The following KLHL13 variants were observed in gnomAD, a reference collection of about 807,000 sequenced individuals.
KLHL13 encodes the protein kelch like family member 13, also known as kelch-like protein 13.
A neutral mutation model predicts 37.1 loss-of-function variants in KLHL13; 10 were observed. The observed-to-expected ratio is 0.27, with a 90% CI of 0.17 to 0.46. The LOEUF is 0.46. KLHL13 is among the 20% of genes least tolerant of loss of function. The pLI, the probability that KLHL13 is intolerant of heterozygous loss-of-function variation, is 1.00. For synonymous variants in KLHL13, 163 were observed against 181.2 expected (o/e 0.90, Z 0.81); for missense variants, 360 against 509.3 (o/e 0.71, Z 2.82).
chrX:118,092,585 G>A (rs1389051151), intron 1 of KLHL13, among the ~76,000 whole-genome samples: 1 of 111,794 alleles, frequency 8.9e-6, no homozygotes, highest in African/African-American at 3.2e-5. Context: ...TGATAAAAGA[G>A]GGTATCTTGG....
At chrX:118,032,463 A>T (rs889605644) in intron 1 of KLHL13, among the ~76,000 whole-genome samples, 1 of 111,220 alleles carries the variant, frequency 9.0e-6, no homozygotes, top group Non-Finnish European at 1.9e-5. Context: ...ACTGGGAGGC[A>T]CCCCCCAGCA....
At chrX:117,996,470 A>G (rs1444617768) in intron 1 of KLHL13, among the ~76,000 whole-genome samples, 2 of 111,831 alleles carry the variant, frequency 1.8e-5, no homozygotes, top group Non-Finnish European at 3.8e-5. Flanking sequence ...AGAGCATAGA[A>G]CCGATTCCAA....
intron 1 of KLHL13, among the ~76,000 whole-genome samples, chrX:118,103,602 A>C: frequency 8.9e-6 from 1 of 111,968 alleles, no homozygotes; most frequent in Non-Finnish European, 1.9e-5. Context: ...AAAGACACCT[A>C]TGTTCTTTAA....
chrX:118,088,226 G>C (rs1385131218), intron 1 of KLHL13, among the ~76,000 whole-genome samples: 2 of 111,991 alleles, frequency 1.8e-5, no homozygotes, highest in African/African-American at 6.5e-5. Flanking sequence ...TACATTTACT[G>C]TTTCAAAGAA....
At chrX:117,945,312 T>C in intron 2 of KLHL13, 122 bp downstream of exon 3, 1 of 657,316 alleles carries the variant, frequency 1.5e-6, no homozygotes, top group East Asian at 3.4e-5. Context: ...ATAGTTACCA[T>C]ACATTTCCTA....
intron 1 of KLHL13, among the ~76,000 whole-genome samples, chrX:117,951,756 A>T (rs1933616390): frequency 8.9e-6 from 1 of 112,451 alleles, no homozygotes; most frequent in African/African-American, 3.2e-5. Context: ...GAATAAGATC[A>T]TTTACCCAGC....
At chrX:118,002,315 G>A (rs2053930927) in intron 1 of KLHL13, among the ~76,000 whole-genome samples, 2 of 110,671 alleles carry the variant, frequency 1.8e-5, no homozygotes, top group Non-Finnish European at 3.8e-5. Context: ...ATGGGATGGA[G>A]GCCAGGCGCG....
chrX:118,107,567 C>T (rs994805765), intron 1 of KLHL13, among the ~76,000 whole-genome samples: 7 of 111,878 alleles, frequency 6.3e-5, no homozygotes, highest in African/African-American at 2.3e-4. Flanking sequence ...TCATATGTGG[C>T]TTAAGTGTGC....
intron 1 of KLHL13, among the ~76,000 whole-genome samples, chrX:118,082,295 C>T (rs2055004865): frequency 1.8e-5 from 2 of 110,703 alleles, no homozygotes; most frequent in Middle Eastern, 4.7e-3. Flanking sequence ...TTGATAATAG[C>T]AATTCTAACA....
chrX:118,026,328 GA>G (rs1424610535), intron 1 of KLHL13, among the ~76,000 whole-genome samples: 2 of 111,351 alleles, frequency 1.8e-5, no homozygotes, highest in African/African-American at 6.5e-5. Flanking sequence ...TGTGTATTTT[GA>G]AAAAAACTAT....
Position 118,049,839 on chromosome X carries a change from T to A in KLHL13, c.-56+66669A>T, listed in dbSNP as rs541627360. Among the ~76,000 whole-genome samples, 218 of 111,746 alleles carry A rather than the reference T, an allele frequency of 2.0e-3. 1 individual carries two copies. The highest frequency in any genetic ancestry group is 6.2e-3 in the Admixed American group (65 of 10,496). On this transcript the variant is annotated intron_variant, in intron 1 of 6. Transcript: ENST00000371882. ...TCCTACCAAAAAGACTGGATTCCCATGTTTCTTAGGTTTCTCCCTTTTCCT... is the reference window on the plus strand; with the variant it reads ...TCCTACCAAAAAGACTGGATTCCCAAGTTTCTTAGGTTTCTCCCTTTTCCT...
chrX:117,968,794 GA>G (rs746664768), intron 1 of KLHL13, among the ~76,000 whole-genome samples: 1 of 110,314 alleles, frequency 9.1e-6, no homozygotes, highest in Admixed American at 9.7e-5. Context: ...TACTAAATTA[GA>G]AAAAAAAGAC....
chrX:118,103,800 A>ATAG (rs1475500642), intron 1 of KLHL13, among the ~76,000 whole-genome samples: 1 of 111,162 alleles, frequency 9.0e-6, no homozygotes, highest in Non-Finnish European at 1.9e-5. Context: ...GTCCTTGACT[A>ATAG]TAAACACTAA....
At chrX:117,974,426 C>T (rs1252240182), upstream of KLHL13, among the ~76,000 whole-genome samples, 1 of 112,147 alleles carries the variant, frequency 8.9e-6, no homozygotes, top group Admixed American at 9.4e-5. Flanking sequence ...ATGCTTCCAA[C>T]TTAAATAGTT....
intron 1 of KLHL13, among the ~76,000 whole-genome samples, chrX:118,009,900 A>T (rs1168326277): frequency 8.8e-4 from 92 of 104,695 alleles, no homozygotes; most frequent in African/African-American, 2.8e-3. Flanking sequence ...ATGTTCTTCC[A>T]TTTGTTTGTA....
At chrX:117,937,296 G>T (rs1215673562) in intron 2 of KLHL13, among the ~76,000 whole-genome samples, 1 of 111,499 alleles carries the variant, frequency 9.0e-6, no homozygotes, top group Non-Finnish European at 1.9e-5. Flanking sequence ...AGCATAGAAG[G>T]GTTTTAATAG....
chrX:118,054,777 C>T (rs1452789467), intron 1 of KLHL13, among the ~76,000 whole-genome samples: 1 of 111,198 alleles, frequency 9.0e-6, no homozygotes, highest in African/African-American at 3.3e-5. Context: ...TTATCATATT[C>T]CTCAATATTA....
intron 1 of KLHL13, among the ~76,000 whole-genome samples, chrX:117,953,609 G>A (rs1048450409): frequency 3.6e-5 from 4 of 110,817 alleles, no homozygotes; most frequent in Admixed American, 2.9e-4. Flanking sequence ...ACTGAAGCTC[G>A]GAGAGTTTAA....
chrX:117,941,818 C>T (rs747384960), intron 2 of KLHL13, among the ~76,000 whole-genome samples: 22 of 111,184 alleles, frequency 2.0e-4, no homozygotes, highest in Admixed American at 1.7e-3. Context: ...AAGTGTTCCT[C>T]GTGTCTCTAT....
Sources: allele counts gnomAD v4.1 joint callset (sites outside exome capture counted in the v4.1 genomes callset), GRCh38; gene constraint gnomAD v4.1.1; transcripts MANE v1.5; gene names NCBI Gene and HGNC (gene_info 2026-07-23, HGNC 2026-07-21).